Variants in RNU2-2 observed in about 807,000 individuals in gnomAD.
The protein encoded by RNU2-2 is RNA, U2 small nuclear 2, pseudogene.
the RNU2-2 span, chr11:62,841,727 T>G: frequency 6.6e-6 from 1 of 152,190 alleles, no homozygotes; most frequent in Non-Finnish European, 1.5e-5. Flanking sequence ...TAATATATTG[T>G]CCTCGGATAG....
chr11:62,841,634 C>CT, the RNU2-2 span: 1 of 152,228 alleles, frequency 6.6e-6, no homozygotes. Flanking sequence ...GTGCACCGTT[C>CT]CTGGAAGTAC....
chr11:62,841,781 T>C, the RNU2-2 span: 2 of 152,252 alleles, frequency 1.3e-5, no homozygotes, highest in Admixed American at 6.5e-5. Flanking sequence ...ATACTACACT[T>C]GATCTTAGCC....
At chr11:62,841,759 T>A in the RNU2-2 span, 1 of 152,226 alleles carries the variant, frequency 6.6e-6, no homozygotes, top group Admixed American at 6.5e-5. Flanking sequence ...GATATTAAAC[T>A]GATAAGAACA....
chr11:62,841,672 G>C, the RNU2-2 span: 9 of 152,154 alleles, frequency 5.9e-5, no homozygotes, highest in South Asian at 2.1e-4. Context: ...GCGTGGAGTG[G>C]ACGGAGCAAG....
the RNU2-2 span, chr11:62,841,730 T>TA: frequency 3.9e-5 from 6 of 152,210 alleles, no homozygotes; most frequent in Non-Finnish European, 8.8e-5. Flanking sequence ...TATATTGTCC[T>TA]CGGATAGAGG....
the RNU2-2 span, chr11:62,841,725 T>G: frequency 1.3e-5 from 2 of 152,198 alleles, no homozygotes; most frequent in African/African-American, 2.4e-5. Context: ...TTTAATATAT[T>G]GTCCTCGGAT....
At chr11:62,841,797 G>A in the RNU2-2 span, 6 of 152,122 alleles carry the variant, frequency 3.9e-5, no homozygotes, top group African/African-American at 7.2e-5. Context: ...TAGCCAAAAG[G>A]CCGAGAAGCG....
the RNU2-2 span, chr11:62,841,738 AG>A: frequency 6.6e-6 from 1 of 152,182 alleles, no homozygotes; most frequent in African/African-American, 2.4e-5. Context: ...CCTCGGATAG[AG>A]GACGTATCAG....
chr11:62,841,723 A>C, the RNU2-2 span: 2 of 152,190 alleles, frequency 1.3e-5, no homozygotes, highest in Non-Finnish European at 2.9e-5. Context: ...CATTTAATAT[A>C]TTGTCCTCGG....
chr11:62,841,741 A>T, the RNU2-2 span: 1 of 152,164 alleles, frequency 6.6e-6, no homozygotes, highest in Non-Finnish European at 1.5e-5. Flanking sequence ...CGGATAGAGG[A>T]CGTATCAGAT....
the RNU2-2 span, chr11:62,841,676 G>C: frequency 6.6e-5 from 10 of 152,186 alleles, no homozygotes; most frequent in South Asian, 2.1e-4. Context: ...GGAGTGGACG[G>C]AGCAAGCTCC....
chr11:62,841,698 C>G, the RNU2-2 span: 1 of 152,192 alleles, frequency 6.6e-6, no homozygotes, highest in Non-Finnish European at 1.5e-5. Context: ...ATTCCATCTC[C>G]TATTTCCAAA....
the RNU2-2 span, chr11:62,841,677 A>G: frequency 2.2e-4 from 33 of 152,182 alleles, no homozygotes; most frequent in East Asian, 9.6e-4. Flanking sequence ...GAGTGGACGG[A>G]GCAAGCTCCT....
At chr11:62,841,700 A>AT in the RNU2-2 span, 1 of 152,200 alleles carries the variant, frequency 6.6e-6, no homozygotes, top group Non-Finnish European at 1.5e-5. Context: ...TCCATCTCCT[A>AT]TTTCCAAAAA....
chr11:62,841,689 T>TA, the RNU2-2 span: 5 of 152,050 alleles, frequency 3.3e-5, no homozygotes, highest in Admixed American at 1.3e-4. Flanking sequence ...CAAGCTCCTA[T>TA]TCCATCTCCT....
the RNU2-2 span, chr11:62,841,710 A>G: frequency 3.9e-5 from 6 of 152,214 alleles, no homozygotes; most frequent in Non-Finnish European, 5.9e-5. Flanking sequence ...ATTTCCAAAA[A>G]TCCATTTAAT....
At chr11:62,841,647 C>T in the RNU2-2 span, 7 of 152,246 alleles carry the variant, frequency 4.6e-5, no homozygotes, top group African/African-American at 7.2e-5. Flanking sequence ...GGAAGTACTG[C>T]AATACCAGGT....
the RNU2-2 span, chr11:62,841,692 C>A: frequency 1.3e-5 from 2 of 152,164 alleles, no homozygotes; most frequent in Admixed American, 1.3e-4. Flanking sequence ...GCTCCTATTC[C>A]ATCTCCTATT....
the RNU2-2 span, chr11:62,841,681 A>T: frequency 2.6e-5 from 4 of 152,000 alleles, no homozygotes; most frequent in African/African-American, 4.8e-5. Context: ...GGACGGAGCA[A>T]GCTCCTATTC....
Sources: allele counts gnomAD v4.1 joint callset, GRCh38; gene constraint gnomAD v4.1.1; transcripts MANE v1.5; gene names NCBI Gene and HGNC (gene_info 2026-07-23, HGNC 2026-07-21).